The following GRB2 variants were observed in gnomAD, a reference collection of about 807,000 sequenced individuals.
The protein encoded by GRB2 is growth factor receptor bound protein 2, also known as growth factor receptor-bound protein 2.
GRB2 carries 2 observed loss-of-function variants against 27.4 expected under a neutral mutation model. The ratio of observed to expected loss-of-function variants is 0.07; its 90% confidence interval spans 0.03 to 0.23. GRB2 has a LOEUF of 0.23. Among genes scored for constraint, GRB2 ranks in the 10% least tolerant of loss-of-function variants. GRB2 has a pLI of 1.00. For missense variants in GRB2, 102 were observed against 282.4 expected (o/e 0.36, Z 4.58); for synonymous variants, 94 against 99.6 (o/e 0.94, Z 0.33).
chr17:75,398,651 T>C (rs1421723099), intron 1 of GRB2, among the ~76,000 whole-genome samples: 10 of 152,220 alleles, frequency 6.6e-5, no homozygotes. Context: ...ATTATAATAA[T>C]AAAATCACCA....
intron 3 of GRB2, chr17:75,326,379 G>C (rs2078498989): frequency 4.1e-6 from 1 of 246,474 alleles, no homozygotes; most frequent in African/African-American, 2.2e-5. Flanking sequence ...CTTGGTGTAC[G>C]GGATGAACTG....
At chr17:75,361,367 G>A (rs2145848046) in intron 2 of GRB2, among the ~76,000 whole-genome samples, 1 of 152,314 alleles carries the variant, frequency 6.6e-6, no homozygotes, top group Non-Finnish European at 1.5e-5. Flanking sequence ...CCTTCAGGCA[G>A]TATAAGGACA....
At chr17:75,386,252 G>C (rs995246453) in intron 2 of GRB2, among the ~76,000 whole-genome samples, 1 of 151,938 alleles carries the variant, frequency 6.6e-6, no homozygotes, top group East Asian at 1.9e-4. Context: ...CTGAGTAGCT[G>C]GGACTAGAGG....
At chr17:75,338,192 G>C (rs1007802700) in intron 2 of GRB2, among the ~76,000 whole-genome samples, 1 of 151,942 alleles carries the variant, frequency 6.6e-6, no homozygotes, top group Non-Finnish European at 1.5e-5. Context: ...GGCCTCCTGA[G>C]TAGCTAGGAT....
At chr17:75,367,985 C>T (rs900577212) in intron 2 of GRB2, among the ~76,000 whole-genome samples, 4 of 151,990 alleles carry the variant, frequency 2.6e-5, no homozygotes, top group African/African-American at 7.2e-5. Context: ...CAAGTTCAAG[C>T]GATTCTCATG....
At chr17:75,379,733 C>T (rs1477842831) in intron 2 of GRB2, among the ~76,000 whole-genome samples, 1 of 152,150 alleles carries the variant, frequency 6.6e-6, no homozygotes, top group Non-Finnish European at 1.5e-5. Context: ...TAAAAACCCA[C>T]TATTAATTTC....
chr17:75,363,321 G>A (rs1477141924), intron 2 of GRB2, among the ~76,000 whole-genome samples: 1 of 152,106 alleles, frequency 6.6e-6, no homozygotes, highest in Non-Finnish European at 1.5e-5. Context: ...AGTTACAGAG[G>A]ATAGGCTACT....
chr17:75,356,009 A>G (rs1391220896), intron 2 of GRB2, among the ~76,000 whole-genome samples: 2 of 150,262 alleles, frequency 1.3e-5, no homozygotes, highest in East Asian at 1.9e-4. Context: ...TTTTTTTTGT[A>G]CTTTAGTAGA....
intron 4 of GRB2, among the ~76,000 whole-genome samples, chr17:75,324,507 G>GTCTTTTTTTTTTTTTTTT (rs1555608338): frequency 1.6e-4 from 6 of 36,700 alleles, no homozygotes; most frequent in African/African-American, 4.9e-4. Flanking sequence ...ACCGCACCCA[G>GTCTTTTTTTTTTTTTTTT]TTTTTTTTTT....
chr17:75,389,531 G>C (rs181728758), intron 2 of GRB2, among the ~76,000 whole-genome samples: 168 of 152,294 alleles, frequency 1.1e-3, no homozygotes, highest in African/African-American at 3.9e-3. Flanking sequence ...ATCTGTAAAA[G>C]AGTAAGTCTA....
intron 2 of GRB2, among the ~76,000 whole-genome samples, chr17:75,392,475 A>G (rs544712893): frequency 5.9e-5 from 9 of 152,358 alleles, no homozygotes; most frequent in African/African-American, 1.9e-4. Flanking sequence ...AAAGACTATC[A>G]ATAAGTCCAC....
intron 2 of GRB2, among the ~76,000 whole-genome samples, chr17:75,388,632 G>A (rs1201224549): frequency 6.6e-6 from 1 of 151,312 alleles, no homozygotes; most frequent in African/African-American, 2.4e-5. Flanking sequence ...TTGGAGATGG[G>A]GTCTCGCTTT....
chr17:75,345,539 G>A (rs934837791), intron 2 of GRB2, among the ~76,000 whole-genome samples: 2 of 152,076 alleles, frequency 1.3e-5, no homozygotes, highest in African/African-American at 4.8e-5. Context: ...TCAAGGCTGG[G>A]GTCCTCCCAC....
At chr17:75,352,193 G>C (rs2078696783) in intron 2 of GRB2, among the ~76,000 whole-genome samples, 1 of 152,180 alleles carries the variant, frequency 6.6e-6, no homozygotes, top group Non-Finnish European at 1.5e-5. Context: ...AGGTTCACTG[G>C]GAGGGCTGGG....
chr17:75,340,200 A>C (rs1463624615), intron 2 of GRB2, among the ~76,000 whole-genome samples: 1 of 152,258 alleles, frequency 6.6e-6, no homozygotes, highest in Non-Finnish European at 1.5e-5. Flanking sequence ...AAAATTATTC[A>C]AAGTTTTATC....
rs902834096 is a variant in GRB2 at position 75,393,754 on chromosome 17, C to G, written c.-126G>C. On this transcript the variant is annotated 5_prime_UTR_variant, in exon 2 of 6. Transcript: ENST00000316804. The stretch of plus-strand genomic sequence containing the variant: ...GGACTCGCTCCGGCACTCTGGGACA[C>G]ACAATGCCACCCTGAAGCAGGAGAG... 19 of 706,568 alleles carry G rather than the reference C, an allele frequency of 2.7e-5. No individual in the cohort carries two copies. Among genetic ancestry groups the G allele is most frequent in the Non-Finnish European group, 4.8e-5 (19 of 399,250 alleles). 43.8% of individuals were successfully genotyped at this position (706,568 alleles called of 1,614,324 possible). A position where few individuals can be genotyped will look rare whatever the true frequency, so the allele number is the denominator to read the frequency against.
At chr17:75,383,803 C>G (rs942732915) in intron 2 of GRB2, among the ~76,000 whole-genome samples, 7 of 152,128 alleles carry the variant, frequency 4.6e-5, no homozygotes, top group Admixed American at 2.6e-4. Flanking sequence ...GACAGCACCA[C>G]TACACTACAC....
At chr17:75,368,579 A>C (rs2078836055) in intron 2 of GRB2, among the ~76,000 whole-genome samples, 1 of 150,436 alleles carries the variant, frequency 6.6e-6, no homozygotes, top group South Asian at 2.1e-4. Flanking sequence ...TCTGTTACTC[A>C]GGCTGGAGTG....
chr17:75,389,146 C>G (rs1290797014), intron 2 of GRB2, among the ~76,000 whole-genome samples: 9 of 152,204 alleles, frequency 5.9e-5, no homozygotes, highest in Non-Finnish European at 1.5e-5. Flanking sequence ...AGGACCAGAT[C>G]AAACTCTTAC....
Sources: gnomAD v4.1 joint callset for allele counts (sites outside exome capture counted in the v4.1 genomes callset) on GRCh38, gnomAD v4.1.1 for gene constraint, MANE v1.5 for transcripts, NCBI Gene and HGNC (gene_info 2026-07-23, HGNC 2026-07-21) for gene names.